Variants in PRDM11 observed in about 807,000 individuals in gnomAD.
PRDM11 encodes PR/SET domain 11.
A neutral mutation model predicts 97.8 loss-of-function variants in PRDM11; 20 were observed. That is an observed-to-expected ratio of 0.20 (90% confidence interval 0.14 to 0.30). The LOEUF (loss-of-function observed/expected upper bound fraction) is 0.30. Ranked by LOEUF, PRDM11 falls within the 10% of genes least tolerant of loss-of-function variation. PRDM11 has a pLI of 1.00. For synonymous variants in PRDM11, 599 were observed against 637.7 expected (o/e 0.94, Z 0.91); for missense variants, 1,139 against 1,555.2 (o/e 0.73, Z 4.50).
chr11:45,122,572 T>A (rs1046817018), intron 1 of PRDM11, among the ~76,000 whole-genome samples: 5 of 147,206 alleles, frequency 3.4e-5, no homozygotes, highest in African/African-American at 1.2e-4. Context: ...TTCCCACCTA[T>A]GAGTGAGAAC....
intron 4 of PRDM11, among the ~76,000 whole-genome samples, chr11:45,195,337 C>T (rs1419247628): frequency 6.6e-6 from 1 of 152,182 alleles, no homozygotes; most frequent in Non-Finnish European, 1.5e-5. Context: ...TATCCTCTGG[C>T]TGTCGTTCCC....
At chr11:45,199,618 C>A (rs1853255013) in intron 4 of PRDM11, among the ~76,000 whole-genome samples, 1 of 152,162 alleles carries the variant, frequency 6.6e-6, no homozygotes, top group Non-Finnish European at 1.5e-5. Flanking sequence ...TTCAGAGGGA[C>A]CAAGGAGTTG....
intron 1 of PRDM11, among the ~76,000 whole-genome samples, chr11:45,117,831 C>T (rs1455611026): frequency 2.0e-5 from 3 of 152,140 alleles, no homozygotes; most frequent in African/African-American, 7.2e-5. Flanking sequence ...TTCGTTCCGA[C>T]GAGTACAGTA....
At chr11:45,183,191 G>A in intron 4 of PRDM11, 68 bp downstream of exon 4, 1 of 1,527,938 alleles carries the variant, frequency 6.5e-7, no homozygotes, top group South Asian at 1.3e-5. Context: ...ACCAGGGGGA[G>A]CCATACTGGC....
At chr11:45,152,275 C>T (rs1851678246) in intron 1 of PRDM11, among the ~76,000 whole-genome samples, 1 of 152,102 alleles carries the variant, frequency 6.6e-6, no homozygotes, top group South Asian at 2.1e-4. Context: ...ACCAGTTGGC[C>T]AGGCTGGTCT....
At chr11:45,169,258 A>G (rs1213957237) in intron 1 of PRDM11, among the ~76,000 whole-genome samples, 1 of 152,254 alleles carries the variant, frequency 6.6e-6, no homozygotes, top group African/African-American at 2.4e-5. Context: ...CATCACTAGT[A>G]TATTTTTAAA....
chr11:45,168,575 C>T (rs1366275917), intron 1 of PRDM11, among the ~76,000 whole-genome samples: 3 of 152,188 alleles, frequency 2.0e-5, no homozygotes, highest in African/African-American at 7.2e-5. Flanking sequence ...AAAGGTGGGG[C>T]TTGGGTCAGG....
chr11:45,173,476 G>T (rs1175315645), intron 1 of PRDM11, among the ~76,000 whole-genome samples: 2 of 152,018 alleles, frequency 1.3e-5, no homozygotes, highest in Non-Finnish European at 2.9e-5. Flanking sequence ...CCAAAAATTA[G>T]CTGGGCGTGG....
intron 1 of PRDM11, among the ~76,000 whole-genome samples, chr11:45,110,431 G>A (rs996071644): frequency 6.6e-6 from 1 of 152,198 alleles, no homozygotes; most frequent in African/African-American, 2.4e-5. Flanking sequence ...TTTCTAAAGG[G>A]CCAGGTAGGA....
At chr11:45,160,570 C>A (rs966901007) in intron 1 of PRDM11, among the ~76,000 whole-genome samples, 2 of 152,168 alleles carry the variant, frequency 1.3e-5, no homozygotes, top group Non-Finnish European at 2.9e-5. Context: ...CTGCAAATTG[C>A]TTTTCTCACT....
At position 45,234,538 on chromosome 11, in the gene PRDM11, A is replaced by C. The variant is rs530081387; in HGVS notation, c.*6379A>C. ...GCTCAAGAGAGACCAGGCCGGGCCGAGCCTTCTTCCCACTGCAGTGGACTA... is the reference window on the plus strand; with the variant it reads ...GCTCAAGAGAGACCAGGCCGGGCCGCGCCTTCTTCCCACTGCAGTGGACTA... On this transcript the variant is annotated 3_prime_UTR_variant, in exon 8 of 8. Transcript: ENST00000683152. 6.6e-6 allele frequency: 1 copy of C among 152,356 alleles called. No individual in the cohort carries two copies. Among genetic ancestry groups the C allele is most frequent in the East Asian group, 1.9e-4 (1 of 5,174 alleles). The allele number at this position is 152,356 out of a possible 1,614,324, so 9.4% of individuals were successfully genotyped here.
At chr11:45,117,224 C>T (rs1202332187) in intron 1 of PRDM11, among the ~76,000 whole-genome samples, 5 of 62,342 alleles carry the variant, frequency 8.0e-5, no homozygotes, top group African/African-American at 3.5e-4. Context: ...GAGACTCCAT[C>T]TCAAAAAAAA....
rs1034227134 is a variant in PRDM11, at chr11:45,226,850, C to T, written c.2225C>T (p.Ala742Val). ...DGANITASLR[A>V]SMFMTIRKTL... ...GCCAACATCACAGCCAGCCTCCGTG[C>T]CAGCATGTTCATGACCATCCGCAAG... Residue 742 changes from alanine (A) to valine (V), a missense_variant, in exon 8 of 8, where the codon GCC (alanine) becomes GTC (valine). Ala to Val is a moderately conservative substitution (Grantham distance 64). This residue lies in a region of PRDM11 where 710 missense variants were observed against 1,044.9 expected (regional missense o/e 0.68). Coordinates refer to ENST00000683152, the MANE Select transcript of PRDM11 (RefSeq NM_001384648.1). 4 of 1,533,938 alleles carry T rather than the reference C, an allele frequency of 2.6e-6. No homozygotes were observed. The Admixed American group carries it at 7.8e-5, about 30-fold the overall frequency.
chr11:45,123,704 ATC>A (rs1852497160), intron 1 of PRDM11, among the ~76,000 whole-genome samples: 2 of 150,014 alleles, frequency 1.3e-5, no homozygotes, highest in African/African-American at 4.8e-5. Flanking sequence ...ATTGATCTAT[ATC>A]TCTGTTTTGG....
At chr11:45,144,274 T>C (rs545145744), upstream of PRDM11, among the ~76,000 whole-genome samples, 2 of 152,236 alleles carry the variant, frequency 1.3e-5, no homozygotes, top group Admixed American at 6.5e-5. Context: ...AGGCGACAGG[T>C]TGGGACTCAG....
intron 4 of PRDM11, among the ~76,000 whole-genome samples, chr11:45,196,241 T>C (rs1431531684): frequency 6.6e-6 from 1 of 152,176 alleles, no homozygotes; most frequent in Non-Finnish European, 1.5e-5. Context: ...TTGTGAAGCA[T>C]GAGGGTTTTG....
chr11:45,111,430 T>A (rs1429491628), intron 1 of PRDM11, among the ~76,000 whole-genome samples: 1 of 152,166 alleles, frequency 6.6e-6, no homozygotes, highest in East Asian at 1.9e-4. Flanking sequence ...AAATCGCTAG[T>A]CTTATCATGG....
chr11:45,095,400 C>T (rs543203165), upstream of PRDM11, among the ~76,000 whole-genome samples: 3 of 152,332 alleles, frequency 2.0e-5, no homozygotes, highest in East Asian at 5.8e-4. Context: ...CCGCTGCTAT[C>T]TGCTCATCAT....
intron 4 of PRDM11, among the ~76,000 whole-genome samples, chr11:45,202,740 A>C (rs1853373420): frequency 7.0e-6 from 1 of 143,464 alleles, no homozygotes; most frequent in South Asian, 2.4e-4. Flanking sequence ...TCTTGAAGCA[A>C]AAGGAGAGAG....
Sources: allele counts gnomAD v4.1 joint callset (sites outside exome capture counted in the v4.1 genomes callset), GRCh38; gene constraint gnomAD v4.1.1; regional missense constraint gnomAD v4.1.1; transcripts MANE v1.5; gene names NCBI Gene and HGNC (gene_info 2026-07-23, HGNC 2026-07-21).